Variants in BIRC6 observed in about 807,000 individuals in gnomAD.
The protein encoded by BIRC6 is dual E2 ubiquitin-conjugating enzyme/E3 ubiquitin-protein ligase BIRC6.
A neutral mutation model predicts 503.3 loss-of-function variants in BIRC6; 98 were observed. The ratio of observed to expected loss-of-function variants is 0.19; its 90% CI spans 0.17 to 0.23. The LOEUF (loss-of-function observed/expected upper bound fraction) is 0.23, where lower values mean the gene tolerates loss of function less well. BIRC6 is among the 10% of genes least tolerant of loss of function. The pLI, the probability that BIRC6 is intolerant of heterozygous loss-of-function variation, is 1.00. For missense variants in BIRC6, 5,360 were observed against 5,806.0 expected, an observed-to-expected ratio of 0.92 and a Z score of 2.50; for synonymous variants, 2,240 against 2,078.7, an observed-to-expected ratio of 1.08 and a Z score of -2.11.
intron 43 of BIRC6, among the ~76,000 whole-genome samples, chr2:32,490,439 G>A (rs1206843721): frequency 6.6e-6 from 1 of 152,124 alleles, no homozygotes; most frequent in Non-Finnish European, 1.5e-5. Flanking sequence ...GGAGGGTGAC[G>A]CACGAAAATC....
intron 61 of BIRC6, 70 bp downstream of exon 61, chr2:32,531,621 T>G: frequency 7.6e-7 from 1 of 1,324,264 alleles, no homozygotes. Flanking sequence ...AATGTTTGTT[T>G]TTTAATGTAC....
chr2:32,597,846 A>G lies in BIRC6; in HGVS notation c.13708A>G (p.Asn4570Asp). The G allele has an allele frequency of 6.2e-7, 1 of 1,613,896 alleles. No homozygotes were observed. The highest frequency in any genetic ancestry group is 1.7e-5 in the Admixed American group (1 of 60,022). ...MSQVKNANDA[N>D]SAARARRLAQ... ...TCAGGTGAAAAATGCTAATGATGCGAACAGTGCTGCCAGAGCTCGCCGCCT... is the reference window on the plus strand; with the variant it reads ...TCAGGTGAAAAATGCTAATGATGCGGACAGTGCTGCCAGAGCTCGCCGCCT... The change falls in exon 69 of 74, where the codon AAC becomes GAC. Residue 4570 changes from asparagine (N) to aspartate (D), a missense_variant. By Grantham distance (23) the Asn-to-Asp change is conservative. Coordinates refer to ENST00000421745, the MANE Select transcript of BIRC6 (RefSeq NM_016252.4).
At chr2:32,382,818 G>A (rs1274118773) in intron 3 of BIRC6, among the ~76,000 whole-genome samples, 2 of 152,064 alleles carry the variant, frequency 1.3e-5, no homozygotes, top group East Asian at 3.9e-4. Flanking sequence ...CCGTCTCCTG[G>A]GTTCAAGCAG....
rs559061489 is a variant in BIRC6 at position 32,483,963 on chromosome 2, T to G, written c.7696+1381T>G. Among the ~76,000 whole-genome samples the G allele has an allele frequency of 3.6e-4, 55 of 152,298 alleles. 1 individual carries two copies. The South Asian group carries it at 5.0e-3, about 14-fold the overall frequency. ...CTCTGTAAAAATGTTTTGTTCTCAT[T>G]GGGTTTTTTGGGGGTACACACATGG... On this transcript the variant is annotated intron_variant, in intron 39 of 73. Coordinates refer to ENST00000421745, the MANE Select transcript of BIRC6 (RefSeq NM_016252.4).
chr2:32,449,928 C>A (rs1024298802), intron 22 of BIRC6, among the ~76,000 whole-genome samples: 3 of 152,188 alleles, frequency 2.0e-5, no homozygotes, highest in African/African-American at 7.2e-5. Flanking sequence ...GACTTAGGCT[C>A]TTGATTGCCT....
At chr2:32,563,363 C>G (rs569663869) in intron 65 of BIRC6, 1 of 152,118 alleles carries the variant, frequency 6.6e-6, no homozygotes, top group Non-Finnish European at 1.5e-5. Context: ...GCAGATGTAG[C>G]TAAAATGGGG....
chr2:32,471,268 G>T (rs570436159), intron 32 of BIRC6, 144 bp downstream of exon 32: 38 of 1,020,310 alleles, frequency 3.7e-5, no homozygotes, highest in Non-Finnish European at 5.1e-5. Flanking sequence ...AAATACAAAT[G>T]AACTTCACTA....
At chr2:32,548,244 A>T (rs1042009802) in intron 64 of BIRC6, among the ~76,000 whole-genome samples, 2 of 149,102 alleles carry the variant, frequency 1.3e-5, no homozygotes, top group Non-Finnish European at 1.5e-5. Context: ...AGTGGCAGGG[A>T]TGAAATTATC....
intron 8 of BIRC6, 51 bp from the exon 9 acceptor site, chr2:32,406,448 A>G (rs1421726946): frequency 1.5e-6 from 2 of 1,344,636 alleles, no homozygotes; most frequent in African/African-American, 1.5e-5. Context: ...TTCTCATATG[A>G]TGTATACTTT....
rs2051506292 is a variant in BIRC6, at chr2:32,490,126, A to G, written c.8181A>G (p.Thr2727=). ...GGTGCCTTGTGCTTCATAGCCTAAC[A>G]CTCATGACAAACATGCAGCTTAATT... The part of the protein sequence containing the change: ...RTWCLVLHSL[T]LMTNMQLNSG... Residue 2727 remains threonine (T), a synonymous_variant, in exon 43 of 74, where the codon ACA becomes ACG. Coordinates refer to ENST00000421745, the MANE Select transcript of BIRC6 (RefSeq NM_016252.4). The G allele has an allele frequency of 6.2e-7, 1 of 1,610,268 alleles. No individual in the cohort carries two copies. Among genetic ancestry groups the G allele is most frequent in the East Asian group, 2.2e-5 (1 of 44,870 alleles).
intron 71 of BIRC6, among the ~76,000 whole-genome samples, chr2:32,604,260 T>C (rs992737959): frequency 6.6e-6 from 1 of 152,198 alleles, no homozygotes; most frequent in Non-Finnish European, 1.5e-5. Context: ...ACACTGTTTC[T>C]CAGGCCTAAA....
intron 65 of BIRC6, among the ~76,000 whole-genome samples, chr2:32,570,375 G>A (rs1203987544): frequency 6.6e-6 from 1 of 152,214 alleles, no homozygotes; most frequent in Non-Finnish European, 1.5e-5. Flanking sequence ...GTAGACACAG[G>A]GTTTCACCAT....
At position 32,549,438 on chromosome 2, in the gene BIRC6, C is replaced by T. The variant is rs61754202; in HGVS notation, c.13101C>T (p.Ser4367=). 0.012 allele frequency: 18,053 copies of T among 1,480,524 alleles called. 141 individuals carry two copies. Among genetic ancestry groups the T allele is most frequent in the Non-Finnish European group, 0.015 (15,970 of 1,092,884 alleles). 91.7% of individuals were successfully genotyped at this position (1,480,524 alleles called of 1,614,324 possible). A position where few individuals can be genotyped will look rare whatever the true frequency, so the allele number is the denominator to read the frequency against. The stretch of plus-strand genomic sequence containing the variant: ...TACTTCTCGAGCTTCTCAGTCAGTC[C>T]TGCCTCATCCCAGCCATGTCATCTT... ...PSVLLELLSQ[S]CLIPAMSSYL... Residue 4367 remains serine (S), a synonymous_variant, in exon 65 of 74, where the codon TCC becomes TCT. Coordinates refer to ENST00000421745, the MANE Select transcript of BIRC6 (RefSeq NM_016252.4).
Position 32,513,349 on chromosome 2 carries a change from G to T in BIRC6, c.10568+195G>T, listed in dbSNP as rs577370613. ...TGTGTTTTAAGAAGATATGTTAGCAGTACTGCCTTCTTTTTTTTAACCTAA... is the reference window on the plus strand; with the variant it reads ...TGTGTTTTAAGAAGATATGTTAGCATTACTGCCTTCTTTTTTTTAACCTAA... On this transcript the variant is annotated intron_variant, in intron 54 of 73. Coordinates refer to ENST00000421745, the MANE Select transcript of BIRC6 (RefSeq NM_016252.4). 2.0e-5 allele frequency among the ~76,000 whole-genome samples: 3 copies of T among 152,322 alleles called. No individual in the cohort carries two copies. The East Asian group carries it at 5.8e-4, about 29-fold the overall frequency.
At chr2:32,392,510 C>T (rs971992634) in intron 5 of BIRC6, among the ~76,000 whole-genome samples, 1 of 152,142 alleles carries the variant, frequency 6.6e-6, no homozygotes, top group African/African-American at 2.4e-5. Context: ...CCTGCCTCGG[C>T]CTCCCAAAGT....
intron 66 of BIRC6, among the ~76,000 whole-genome samples, chr2:32,578,357 G>A (rs2060406373): frequency 6.6e-6 from 1 of 152,006 alleles, no homozygotes; most frequent in African/African-American, 2.4e-5. Flanking sequence ...CACCCCACCT[G>A]TCTGCCTCAT....
intron 12 of BIRC6, among the ~76,000 whole-genome samples, chr2:32,431,430 A>G (rs1558704222): frequency 6.6e-6 from 1 of 151,956 alleles, no homozygotes; most frequent in Non-Finnish European, 1.5e-5. Context: ...TCCTGATCTC[A>G]GGTGATCCAC....
intron 1 of BIRC6, among the ~76,000 whole-genome samples, chr2:32,361,342 CT>C (rs970373721): frequency 6.6e-6 from 1 of 151,454 alleles, no homozygotes; most frequent in Admixed American, 6.6e-5. Flanking sequence ...CATTCCTTGA[CT>C]TTTTTTTTGT....
At chr2:32,474,399 A>G (rs893254841) in intron 33 of BIRC6, among the ~76,000 whole-genome samples, 2 of 152,228 alleles carry the variant, frequency 1.3e-5, no homozygotes, top group Non-Finnish European at 2.9e-5. Flanking sequence ...TTAGGATACA[A>G]AACAAAACCT....
Sources: gnomAD v4.1 joint callset for allele counts (sites outside exome capture counted in the v4.1 genomes callset) on GRCh38, gnomAD v4.1.1 for gene constraint, MANE v1.5 for transcripts, NCBI Gene and HGNC (gene_info 2026-07-23, HGNC 2026-07-21) for gene names.